Variants in MUSK observed in about 807,000 individuals in gnomAD.
MUSK encodes the protein muscle, skeletal receptor tyrosine-protein kinase.
A neutral mutation model predicts 88.7 loss-of-function variants in MUSK; 55 were observed. That is an observed-to-expected ratio of 0.62 (90% CI 0.50 to 0.78). The LOEUF is 0.78. Among genes scored for constraint, MUSK ranks in the 30% least tolerant of loss-of-function variants. The pLI, the probability that MUSK is intolerant of heterozygous loss-of-function variation, is 0.00. For synonymous variants in MUSK, 387 were observed against 391.9 expected (o/e 0.99, Z 0.15); for missense variants, 1,015 against 1,074.3 (o/e 0.94, Z 0.77).
chr9:110,691,320 T>C (rs2076353495), intron 3 of MUSK, among the ~76,000 whole-genome samples: 3 of 152,162 alleles, frequency 2.0e-5, no homozygotes, highest in Admixed American at 2.0e-4. Flanking sequence ...CCCATACTCA[T>C]GATTTGCCTC....
chr9:110,690,026 T>TAACATAAGTATAA (rs2076300655), intron 3 of MUSK, among the ~76,000 whole-genome samples: 1 of 94,820 alleles, frequency 1.1e-5, no homozygotes, highest in Non-Finnish European at 1.8e-5. Flanking sequence ...TAATATATAT[T>TAACATAAGTATAA]ATATATTAAT....
chr9:110,682,802 T>C lies in MUSK; in HGVS notation c.206+2T>C, dbSNP rs2076149627. 1.9e-6 allele frequency: 3 copies of C among 1,610,288 alleles called. No individual in the cohort carries two copies. The highest frequency in any genetic ancestry group is 2.5e-6 in the Non-Finnish European group (3 of 1,177,592). ...GACTAGAAATAAAATTCTCATTAAG[T>C]AAGTATTCCACATTTTAATTTTTTT... On this transcript the variant is annotated splice_donor_variant, in intron 2 of 14. Coordinates refer to ENST00000374448, the MANE Select transcript of MUSK (RefSeq NM_005592.4). LOFTEE classifies it high-confidence loss of function.
At chr9:110,777,979 T>A (rs1033737361) in intron 11 of MUSK, among the ~76,000 whole-genome samples, 1 of 151,974 alleles carries the variant, frequency 6.6e-6, no homozygotes, top group Non-Finnish European at 1.5e-5. Context: ...ATTAAAAGAG[T>A]TGGCTTTAGC....
intron 3 of MUSK, among the ~76,000 whole-genome samples, chr9:110,689,109 T>C (rs1170046656): frequency 1.6e-5 from 2 of 128,814 alleles, no homozygotes; most frequent in East Asian, 2.4e-4. Flanking sequence ...TATATAGTTT[T>C]ATAATTTATT....
chr9:110,711,136 G>A (rs1383232569), intron 5 of MUSK, among the ~76,000 whole-genome samples: 1 of 152,138 alleles, frequency 6.6e-6, no homozygotes, highest in Admixed American at 6.6e-5. Context: ...ATAGCATTAG[G>A]AGATATACCT....
intron 12 of MUSK, among the ~76,000 whole-genome samples, chr9:110,785,235 A>C (rs1004045042): frequency 5.3e-5 from 8 of 152,210 alleles, no homozygotes; most frequent in African/African-American, 1.9e-4. Context: ...GTTTCACAAA[A>C]GGTAAAATCT....
intron 11 of MUSK, among the ~76,000 whole-genome samples, chr9:110,779,641 A>T (rs908054017): frequency 2.0e-5 from 3 of 152,162 alleles, no homozygotes; most frequent in Admixed American, 2.0e-4. Flanking sequence ...TTCTGTGATA[A>T]GGCCTTGTTC....
At chr9:110,749,939 C>G (rs1190214610) in intron 7 of MUSK, among the ~76,000 whole-genome samples, 2 of 152,134 alleles carry the variant, frequency 1.3e-5, no homozygotes, top group East Asian at 1.9e-4. Context: ...TTTGAATTAC[C>G]TGGAATTATT....
chr9:110,707,035 TAA>T lies in MUSK; in HGVS notation c.628+9571_628+9572del, dbSNP rs1554740791. Among the ~76,000 whole-genome samples, 1,011 of 123,210 alleles carry T rather than the reference TAA, an allele frequency of 8.2e-3. 7 individuals are homozygous for T. The highest frequency in any genetic ancestry group is 0.013 in the Non-Finnish European group (714 of 54,260). 80.8% of individuals were successfully genotyped at this position (123,210 alleles called of 152,430 possible). A position where few individuals can be genotyped will look rare whatever the true frequency, so the allele number is the denominator to read the frequency against. On this transcript the variant is annotated intron_variant, in intron 5 of 14. Coordinates refer to ENST00000374448, the MANE Select transcript of MUSK (RefSeq NM_005592.4). ...ATAGAGAGAGAGAGAGAGAAACAAATAAAGAGAGAGAGAGAGAGAGAATTAAC... is the reference window on the plus strand; with the variant it reads ...ATAGAGAGAGAGAGAGAGAAACAAATAGAGAGAGAGAGAGAGAGAATTAAC...
chr9:110,681,050 T>TTAA (rs1564209516), intron 1 of MUSK, among the ~76,000 whole-genome samples: 533 of 21,592 alleles, frequency 0.025, 91 homozygotes, highest in African/African-American at 0.13. Flanking sequence ...ATAATATATA[T>TTAA]TATATATTAT....
intron 5 of MUSK, among the ~76,000 whole-genome samples, chr9:110,726,637 G>A (rs2076887685): frequency 6.6e-6 from 1 of 152,046 alleles, no homozygotes; most frequent in Middle Eastern, 3.2e-3. Context: ...AGATACCACA[G>A]TTGCAGAATA....
intron 5 of MUSK, among the ~76,000 whole-genome samples, chr9:110,703,403 G>A (rs1191038857): frequency 6.6e-6 from 1 of 151,814 alleles, no homozygotes; most frequent in African/African-American, 2.4e-5. Context: ...GGTGGTGCAC[G>A]CCTGTAGTTC....
At chr9:110,728,547 T>C (rs1376774819) in intron 5 of MUSK, 3 of 656,166 alleles carry the variant, frequency 4.6e-6, no homozygotes, top group African/African-American at 3.7e-5. Flanking sequence ...TTGTTTCTTA[T>C]TGAAATAAGA....
intron 3 of MUSK, among the ~76,000 whole-genome samples, chr9:110,689,534 A>AATATATAGTTAT (rs2076260887): frequency 9.8e-6 from 1 of 102,206 alleles, no homozygotes; most frequent in South Asian, 2.8e-4. Context: ...ACTATATATA[A>AATATATAGTTAT]ATATATAGTT....
At chr9:110,761,911 T>G (rs542757913) in intron 7 of MUSK, 1 of 985,176 alleles carries the variant, frequency 1.0e-6, no homozygotes, top group Non-Finnish European at 1.2e-6. Context: ...CCTGGGTAGC[T>G]AATGGAGGGA....
intron 2 of MUSK, among the ~76,000 whole-genome samples, chr9:110,686,618 C>T (rs2076199289): frequency 6.6e-6 from 1 of 152,064 alleles, no homozygotes; most frequent in Admixed American, 6.6e-5. Context: ...TTATGTATCC[C>T]AAGTAACTAG....
chr9:110,707,522 T>C (rs574513201), intron 5 of MUSK, among the ~76,000 whole-genome samples: 1 of 152,320 alleles, frequency 6.6e-6, no homozygotes, highest in East Asian at 1.9e-4. Flanking sequence ...CAAATTAAAA[T>C]AGATGGATGC....
rs1298287750 is a variant in MUSK at position 110,803,137 on chromosome 9, T to C, written c.*2149T>C. Among the ~76,000 whole-genome samples the C allele has an allele frequency of 6.6e-6, 1 of 152,180 alleles. No homozygotes were observed. ...AAAGTTTTGTTGTAAAAGACAGACATAGAAGTCAGGCTGACAGAAAATAGA... is the reference window on the plus strand; with the variant it reads ...AAAGTTTTGTTGTAAAAGACAGACACAGAAGTCAGGCTGACAGAAAATAGA... On this transcript the variant is annotated 3_prime_UTR_variant, in exon 15 of 15. Coordinates refer to ENST00000374448, the MANE Select transcript of MUSK (RefSeq NM_005592.4).
Position 110,805,055 on chromosome 9 carries a change from C to T in MUSK, c.*4067C>T, listed in dbSNP as rs1442586887. Among the ~76,000 whole-genome samples, 1 of 151,916 alleles carries T rather than the reference C, an allele frequency of 6.6e-6. No homozygotes were observed. Among genetic ancestry groups the T allele is most frequent in the Non-Finnish European group, 1.5e-5 (1 of 67,816 alleles). On this transcript the variant is annotated 3_prime_UTR_variant, in exon 15 of 15. Coordinates refer to ENST00000374448, the MANE Select transcript of MUSK (RefSeq NM_005592.4). ...ATTTTGATGGTTGAATAGTATTATA[C>T]AGATTTATCGTAATTGACATAACTA...
Sources: allele counts gnomAD v4.1 joint callset (sites outside exome capture counted in the v4.1 genomes callset), GRCh38; gene constraint gnomAD v4.1.1; transcripts MANE v1.5; gene names NCBI Gene and HGNC (gene_info 2026-07-23, HGNC 2026-07-21).